The following GRIN2A variants were observed in gnomAD, a reference collection of about 807,000 sequenced individuals.
GRIN2A encodes glutamate ionotropic receptor NMDA type subunit 2A.
A neutral mutation model predicts 113.4 loss-of-function variants in GRIN2A; 22 were observed. That is an observed-to-expected ratio of 0.19 (90% CI 0.14 to 0.28). The LOEUF (loss-of-function observed/expected upper bound fraction) is 0.28, where lower values mean the gene tolerates loss of function less well. GRIN2A is among the 10% of genes least tolerant of loss of function. GRIN2A has a pLI of 1.00. For missense variants in GRIN2A, 1,502 were observed against 1,887.0 expected (o/e 0.80, Z 3.78); for synonymous variants, 827 against 738.4 (o/e 1.12, Z -1.94).
chr16:9,861,253 GTAAT>G (rs1480111864), intron 4 of GRIN2A, among the ~76,000 whole-genome samples: 17 of 152,170 alleles, frequency 1.1e-4, no homozygotes, highest in African/African-American at 4.1e-4. Context: ...GAAAACATGA[GTAAT>G]TAACTCTTCA....
At chr16:9,892,366 T>A (rs2043711772) in intron 3 of GRIN2A, among the ~76,000 whole-genome samples, 1 of 152,200 alleles carries the variant, frequency 6.6e-6, no homozygotes, top group African/African-American at 2.4e-5. Flanking sequence ...ACAGAGGGAC[T>A]ACTTATGCTA....
rs75106086 is a variant in GRIN2A at position 10,103,062 on chromosome 16, C to A, written c.414+76936G>T. On this transcript the variant is annotated intron_variant, in intron 2 of 12. Transcript: ENST00000330684. ...TGACATCAAGAAGCTCAAAGACTAG[C>A]TGGAAAGATACTAATATAGCAATTC... 9.2e-3 allele frequency among the ~76,000 whole-genome samples: 1,396 copies of A among 152,274 alleles called. 24 individuals are homozygous for A. The highest frequency in any genetic ancestry group is 0.032 in the African/African-American group (1,319 of 41,552).
intron 3 of GRIN2A, among the ~76,000 whole-genome samples, chr16:9,923,143 C>T (rs1008466221): frequency 1.3e-5 from 2 of 151,936 alleles, no homozygotes; most frequent in African/African-American, 2.4e-5. Context: ...TATTTTGAAG[C>T]TATACTAGAT....
At chr16:10,098,342 C>T (rs8044459) in intron 2 of GRIN2A, among the ~76,000 whole-genome samples, 112,977 of 152,124 alleles carry the variant, frequency 0.74, 44,162 homozygotes, top group East Asian at 0.98. Context: ...GAAACACTTC[C>T]GCACTGCTGG....
Position 9,824,632 on chromosome 16 carries a change from A to C in GRIN2A, c.2008-2208T>G, listed in dbSNP as rs573089720. Reference sequence around the variant, plus strand: ...CCCACACAAAATTCAGCCTGACACCAAGCTCCAGGAACCTTTTCCACTAGA... The same window carrying C: ...CCCACACAAAATTCAGCCTGACACCCAGCTCCAGGAACCTTTTCCACTAGA... On this transcript the variant is annotated intron_variant, in intron 9 of 12. Coordinates refer to ENST00000330684, the MANE Select transcript of GRIN2A (RefSeq NM_001134407.3). 1.1e-4 allele frequency among the ~76,000 whole-genome samples: 16 copies of C among 152,256 alleles called. No individual in the cohort carries two copies. The South Asian group carries it at 3.3e-3, about 32-fold the overall frequency.
rs574644900 is a variant in GRIN2A, at chr16:9,850,659, T to A, written c.1123-698A>T. Among the ~76,000 whole-genome samples the A allele has an allele frequency of 1.6e-4, 24 of 152,246 alleles. 1 individual carries two copies. The South Asian group carries it at 4.8e-3, about 30-fold the overall frequency. On this transcript the variant is annotated intron_variant, in intron 4 of 12. Coordinates refer to ENST00000330684, the MANE Select transcript of GRIN2A (RefSeq NM_001134407.3). Reference sequence around the variant, plus strand: ...GGAGCAGGTGGGGAAATTAAAAGCATCATTTTGACCCCAGATACAGTTCTA... The same window carrying A: ...GGAGCAGGTGGGGAAATTAAAAGCAACATTTTGACCCCAGATACAGTTCTA...
intron 2 of GRIN2A, among the ~76,000 whole-genome samples, chr16:10,054,384 C>T (rs2047410432): frequency 6.6e-6 from 1 of 152,140 alleles, no homozygotes; most frequent in South Asian, 2.1e-4. Flanking sequence ...CAAAAATGAA[C>T]AGGACTAATA....
intron 3 of GRIN2A, among the ~76,000 whole-genome samples, chr16:9,896,173 A>G (rs1039993004): frequency 1.3e-5 from 2 of 151,878 alleles, no homozygotes; most frequent in African/African-American, 4.8e-5. Context: ...CTTCAGCCTC[A>G]CTAGTAGCTG....
chr16:10,096,619 C>T (rs79115472), intron 2 of GRIN2A, among the ~76,000 whole-genome samples: 30,185 of 151,494 alleles, frequency 0.2, 3,444 homozygotes, highest in East Asian at 0.44. Flanking sequence ...CCCACATCAC[C>T]TTTCCCAAAT....
rs145763331 is a variant in GRIN2A, at chr16:10,164,735, T to C, written c.414+15263A>G. 1.8e-3 allele frequency among the ~76,000 whole-genome samples: 277 copies of C among 152,326 alleles called. 2 individuals are homozygous for C. The highest frequency in any genetic ancestry group is 6.3e-3 in the African/African-American group (261 of 41,576). ...CTGTATGTTATATTGGAAGCCATCA[T>C]TGTCTGAGGTTTTCCATTTACACAA... On this transcript the variant is annotated intron_variant, in intron 2 of 12. Coordinates refer to ENST00000330684, the MANE Select transcript of GRIN2A (RefSeq NM_001134407.3).
intron 3 of GRIN2A, among the ~76,000 whole-genome samples, chr16:9,913,628 T>A (rs534233566): frequency 6.6e-6 from 1 of 152,220 alleles, no homozygotes; most frequent in Non-Finnish European, 1.5e-5. Flanking sequence ...AGCTAATGCA[T>A]TCAATTGAGA....
chr16:9,775,188 C>G (rs867947963), intron 11 of GRIN2A, among the ~76,000 whole-genome samples: 1 of 152,136 alleles, frequency 6.6e-6, no homozygotes, highest in Non-Finnish European at 1.5e-5. Flanking sequence ...TCAGCTTCCA[C>G]AGGCACACGT....
chr16:9,840,878 C>T (rs2141344254), intron 6 of GRIN2A, 58 bp downstream of exon 6: 3 of 1,602,168 alleles, frequency 1.9e-6, no homozygotes, highest in Non-Finnish European at 2.6e-6. Context: ...GCTAACATTC[C>T]TGAGGACTGC....
rs1000471717 is a variant in GRIN2A, at chr16:9,758,387, G to A, written c.*4762C>T. On this transcript the variant is annotated 3_prime_UTR_variant, in exon 13 of 13. Transcript: ENST00000330684. ...CCCAGAGTTTTGTTTTTTAAAGAAGGGGCCAAGAACGCCAACACCCATATT... is the reference window on the plus strand; with the variant it reads ...CCCAGAGTTTTGTTTTTTAAAGAAGAGGCCAAGAACGCCAACACCCATATT... 4.5e-6 allele frequency: 1 copy of A among 223,080 alleles called. No homozygotes were observed. Among genetic ancestry groups the A allele is most frequent in the African/African-American group, 2.2e-5 (1 of 44,698 alleles). 13.8% of individuals were successfully genotyped at this position (223,080 alleles called of 1,614,324 possible). A position where few individuals can be genotyped will look rare whatever the true frequency, so the allele number is the denominator to read the frequency against.
intron 7 of GRIN2A, among the ~76,000 whole-genome samples, chr16:9,840,424 A>G (rs1024226873): frequency 6.6e-6 from 1 of 152,194 alleles, no homozygotes; most frequent in Non-Finnish European, 1.5e-5. Context: ...ACCTCCCATC[A>G]GGTCTCTCCC....
chr16:9,960,889 G>C (rs1048879682), intron 2 of GRIN2A, among the ~76,000 whole-genome samples: 1 of 152,184 alleles, frequency 6.6e-6, no homozygotes, highest in South Asian at 2.1e-4. Context: ...GTCTCCCAAA[G>C]TGCTGGGATT....
intron 2 of GRIN2A, among the ~76,000 whole-genome samples, chr16:10,101,909 C>G (rs1157687522): frequency 6.6e-6 from 1 of 152,164 alleles, no homozygotes; most frequent in Non-Finnish European, 1.5e-5. Context: ...GTCTCAATTT[C>G]TAGAACATCG....
At chr16:10,164,792 T>C (rs1157715273) in intron 2 of GRIN2A, among the ~76,000 whole-genome samples, 1 of 152,208 alleles carries the variant, frequency 6.6e-6, no homozygotes, top group South Asian at 2.1e-4. Flanking sequence ...AAATATGCAA[T>C]ACCTAGGGAA....
intron 2 of GRIN2A, among the ~76,000 whole-genome samples, chr16:10,002,759 A>T (rs140583505): frequency 2.0e-5 from 3 of 152,332 alleles, no homozygotes; most frequent in Non-Finnish European, 4.4e-5. Flanking sequence ...ATTTCAAGAC[A>T]ATCCAGAATT....
Sources: allele counts gnomAD v4.1 joint callset (sites outside exome capture counted in the v4.1 genomes callset), GRCh38; gene constraint gnomAD v4.1.1; transcripts MANE v1.5; gene names NCBI Gene and HGNC (gene_info 2026-07-23, HGNC 2026-07-21).